Variants in SPACA7 observed in about 807,000 individuals in gnomAD.
The protein encoded by SPACA7 is sperm acrosome associated 7, also known as sperm acrosome-associated protein 7.
In SPACA7, 19 loss-of-function variants were observed where a neutral mutation model predicts 26.3. The observed-to-expected ratio is 0.72, with a 90% CI of 0.50 to 1.06. The LOEUF (loss-of-function observed/expected upper bound fraction) is 1.06. SPACA7 is among the 50% of genes least tolerant of loss of function. The probability of loss-of-function intolerance (pLI) is 0.00; values close to 1 mark genes in which losing one functional copy is unlikely to be tolerated. For synonymous variants in SPACA7, 84 were observed against 84.5 expected (o/e 0.99, Z 0.04); for missense variants, 211 against 229.9 (o/e 0.92, Z 0.53).
At chr13:112,392,954 A>G (rs1432059142) in intron 1 of SPACA7, 67 bp from the exon 2 acceptor site, 11 of 1,446,096 alleles carry the variant, frequency 7.6e-6, no homozygotes, top group Non-Finnish European at 1.1e-5. Context: ...AACCATATCC[A>G]TTTAAAGAGA....
chr13:112,398,033 G>A lies in SPACA7; in HGVS notation c.152-16G>A, dbSNP rs558911119. The A allele has an allele frequency of 1.9e-6, 3 of 1,593,966 alleles. No homozygotes were observed. Among genetic ancestry groups the A allele is most frequent in the African/African-American group, 2.7e-5 (2 of 74,340 alleles). On this transcript the variant is annotated splice_polypyrimidine_tract_variant and intron_variant, in intron 2 of 6. Coordinates refer to ENST00000283550, the MANE Select transcript of SPACA7 (RefSeq NM_145248.5). ...GCAGGGCCGACTCTAACGTGATCTT[G>A]TGTGCTTCTCCCAAGATGAAATTCT...
chr13:112,401,795 T>C (rs1321135399), intron 5 of SPACA7, among the ~76,000 whole-genome samples: 1 of 152,216 alleles, frequency 6.6e-6, no homozygotes, highest in Non-Finnish European at 1.5e-5. Context: ...TAATTTTATA[T>C]TTTTATGAAT....
intron 1 of SPACA7, among the ~76,000 whole-genome samples, chr13:112,383,248 AG>A (rs922166683): frequency 2.6e-5 from 4 of 152,060 alleles, no homozygotes; most frequent in African/African-American, 9.7e-5. Context: ...AAGATTTAAA[AG>A]CATTAGTTTG....
intron 5 of SPACA7, among the ~76,000 whole-genome samples, chr13:112,412,003 T>C (rs532108748): frequency 6.6e-6 from 1 of 152,306 alleles, no homozygotes; most frequent in Non-Finnish European, 1.5e-5. Flanking sequence ...GTTCTGTTTT[T>C]AGTTGTTGTT....
At chr13:112,408,516 C>CA (rs2138991915) in intron 5 of SPACA7, among the ~76,000 whole-genome samples, 1 of 149,734 alleles carries the variant, frequency 6.7e-6, no homozygotes, top group Non-Finnish European at 1.5e-5. Flanking sequence ...GCAACTTCAG[C>CA]AAAATCTCAG....
chr13:112,397,273 G>C (rs1194123135), intron 2 of SPACA7, among the ~76,000 whole-genome samples: 1 of 152,136 alleles, frequency 6.6e-6, no homozygotes, highest in Non-Finnish European at 1.5e-5. Context: ...GGGACTTTCT[G>C]GGCTAAACCC....
At position 112,416,373 on chromosome 13, in the gene SPACA7, A is replaced by T. The variant is rs184860105; in HGVS notation, c.445+15209A>T. Among the ~76,000 whole-genome samples, 179 of 151,936 alleles carry T rather than the reference A, an allele frequency of 1.2e-3. 2 individuals carry two copies. The highest frequency in any genetic ancestry group is 9.1e-3 in the Admixed American group (139 of 15,270). ...ATGATCTCAGCTTACTGCAACCTAT[A>T]CCTCCTGGGTTCAGGAGATTCCCCT... is the stretch of plus-strand genomic sequence containing the variant. On this transcript the variant is annotated intron_variant, in intron 5 of 6. Coordinates refer to ENST00000283550, the MANE Select transcript of SPACA7 (RefSeq NM_145248.5).
chr13:112,434,208 G>A (rs947242249), intron 6 of SPACA7, among the ~76,000 whole-genome samples: 2 of 152,196 alleles, frequency 1.3e-5, no homozygotes, highest in African/African-American at 2.4e-5. Context: ...GACCAGTCCA[G>A]CTCCGCCAGG....
intron 5 of SPACA7, among the ~76,000 whole-genome samples, chr13:112,428,545 A>T (rs1456811670): frequency 6.6e-6 from 1 of 152,144 alleles, no homozygotes; most frequent in African/African-American, 2.4e-5. Flanking sequence ...ATGCCACTGC[A>T]CTCCGGTCTG....
chr13:112,392,818 C>T (rs1262616578), intron 1 of SPACA7, among the ~76,000 whole-genome samples: 3 of 152,142 alleles, frequency 2.0e-5, no homozygotes, highest in African/African-American at 4.8e-5. Context: ...GCTGTTTCTC[C>T]GCATTTTCCA....
chr13:112,394,908 G>A (rs1298814615), intron 2 of SPACA7, among the ~76,000 whole-genome samples: 16 of 152,204 alleles, frequency 1.1e-4, no homozygotes, highest in Non-Finnish European at 1.8e-4. Context: ...CTAGAAGGAA[G>A]CAGCAGCTCT....
chr13:112,394,250 T>A (rs1403730796), intron 2 of SPACA7, among the ~76,000 whole-genome samples: 10 of 152,228 alleles, frequency 6.6e-5, no homozygotes, highest in African/African-American at 2.4e-4. Context: ...CCCAGAATGC[T>A]GGGACTCAGA....
chr13:112,423,094 A>C (rs1876147036), intron 5 of SPACA7, among the ~76,000 whole-genome samples: 1 of 152,224 alleles, frequency 6.6e-6, no homozygotes, highest in Admixed American at 6.5e-5. Context: ...TGCTATAAAT[A>C]GAATGATGGC....
chr13:112,400,678 G>A (rs141236837), intron 4 of SPACA7, among the ~76,000 whole-genome samples: 332 of 152,292 alleles, frequency 2.2e-3, no homozygotes, highest in African/African-American at 7.7e-3. Context: ...TTTCCTGCCC[G>A]CACTCCTTTC....
intron 5 of SPACA7, among the ~76,000 whole-genome samples, chr13:112,430,170 C>CTGTGTGTGTG (rs1437758497): frequency 2.0e-3 from 231 of 115,132 alleles, no homozygotes; most frequent in African/African-American, 5.7e-3. Context: ...TTGCATCTCT[C>CTGTGTGTGTG]TCTCTGTGTG....
chr13:112,385,770 C>G (rs1263291275), intron 1 of SPACA7, among the ~76,000 whole-genome samples: 1 of 152,162 alleles, frequency 6.6e-6, no homozygotes, highest in African/African-American at 2.4e-5. Flanking sequence ...ATTAAAGTTT[C>G]TACTTTTCTG....
chr13:112,381,062 A>G (rs1884027313), intron 1 of SPACA7, among the ~76,000 whole-genome samples: 1 of 117,564 alleles, frequency 8.5e-6, no homozygotes, highest in Non-Finnish European at 1.9e-5. Context: ...ATAAAATAAG[A>G]AAACTTTGCT....
At chr13:112,379,963 G>A (rs755192096) in intron 1 of SPACA7, among the ~76,000 whole-genome samples, 14 of 152,148 alleles carry the variant, frequency 9.2e-5, no homozygotes, top group Non-Finnish European at 1.8e-4. Context: ...AAACAATTTA[G>A]CTCTTTTAAT....
chr13:112,383,082 A>G (rs1387077579), intron 1 of SPACA7, among the ~76,000 whole-genome samples: 5 of 102,398 alleles, frequency 4.9e-5, no homozygotes, highest in African/African-American at 1.6e-4. Flanking sequence ...GAAAGAAAGA[A>G]AAAGAAAGAA....
Sources: gnomAD v4.1 joint callset for allele counts (sites outside exome capture counted in the v4.1 genomes callset) on GRCh38, gnomAD v4.1.1 for gene constraint, MANE v1.5 for transcripts, NCBI Gene and HGNC (gene_info 2026-07-23, HGNC 2026-07-21) for gene names.